HCN1: variants seen among roughly 807,000 people sequenced by gnomAD.
HCN1 encodes the protein potassium/sodium hyperpolarization-activated cyclic nucleotide-gated channel 1.
HCN1 carries 13 observed loss-of-function variants against 78.9 expected under a neutral mutation model. That is an observed-to-expected ratio of 0.16 (90% CI 0.11 to 0.26). HCN1 has a LOEUF of 0.26. HCN1 is among the 10% of genes least tolerant of loss of function. HCN1 has a pLI of 1.00. For missense variants in HCN1, 810 were observed against 1,154.3 expected (o/e 0.70, Z 4.32); for synonymous variants, 552 against 455.5 (o/e 1.21, Z -2.70).
At chr5:45,337,034 C>A (rs1052056826) in intron 5 of HCN1, among the ~76,000 whole-genome samples, 1 of 151,848 alleles carries the variant, frequency 6.6e-6, no homozygotes, top group Non-Finnish European at 1.5e-5. Flanking sequence ...AAAAGAAAAA[C>A]CAACATATTT....
intron 3 of HCN1, among the ~76,000 whole-genome samples, chr5:45,437,153 T>G (rs1740573924): frequency 6.6e-6 from 1 of 152,196 alleles, no homozygotes; most frequent in African/African-American, 2.4e-5. Context: ...AGCAAACATA[T>G]GCTTAAATGT....
intron 2 of HCN1, among the ~76,000 whole-genome samples, chr5:45,505,065 A>G (rs1742270486): frequency 6.6e-6 from 1 of 152,058 alleles, no homozygotes; most frequent in African/African-American, 2.4e-5. Context: ...GTTCACTCTG[A>G]TGGTAGTTTC....
chr5:45,266,017 A>C (rs774775879), intron 7 of HCN1, among the ~76,000 whole-genome samples: 12 of 152,050 alleles, frequency 7.9e-5, no homozygotes, highest in Admixed American at 1.3e-4. Flanking sequence ...CGAGCTGACC[A>C]AAAAAAAGTA....
chr5:45,602,887 A>C (rs906070691), intron 2 of HCN1, among the ~76,000 whole-genome samples: 1 of 152,112 alleles, frequency 6.6e-6, no homozygotes, highest in African/African-American at 2.4e-5. Flanking sequence ...ACGTGTGCTT[A>C]AGCTCATTAT....
chr5:45,648,546 C>CA (rs1180077266), intron 1 of HCN1, among the ~76,000 whole-genome samples: 3 of 151,796 alleles, frequency 2.0e-5, no homozygotes, highest in Admixed American at 6.6e-5. Context: ...CCTTAGGTAA[C>CA]AAAAAAATAC....
At chr5:45,371,940 A>G (rs1384121182) in intron 4 of HCN1, among the ~76,000 whole-genome samples, 1 of 101,908 alleles carries the variant, frequency 9.8e-6, no homozygotes, top group Non-Finnish European at 1.8e-5. Flanking sequence ...TATTATATAT[A>G]ATATATAATA....
In HCN1 at chr5:45,351,531, C is replaced by T. The variant is rs1223025681; in HGVS notation, c.1377+1569G>A. On this transcript the variant is annotated intron_variant, in intron 5 of 7. Transcript: ENST00000303230. ...AAAAGACAAAATTGACAAATGGGATCTAATTAAACTAAAGAGCTTCTGCAC... is the reference window on the plus strand; with the variant it reads ...AAAAGACAAAATTGACAAATGGGATTTAATTAAACTAAAGAGCTTCTGCAC... Among the ~76,000 whole-genome samples the T allele has an allele frequency of 2.8e-5, 3 of 106,840 alleles. 1 individual carries two copies. Among genetic ancestry groups the T allele is most frequent in the Non-Finnish European group, 5.1e-5 (3 of 58,722 alleles). 70.1% of individuals were successfully genotyped at this position (106,840 alleles called of 152,430 possible).
chr5:45,629,796 G>T (rs1745237671), intron 2 of HCN1, among the ~76,000 whole-genome samples: 2 of 152,024 alleles, frequency 1.3e-5, no homozygotes, highest in Admixed American at 6.6e-5. Context: ...CTTAAGAATT[G>T]TAATTATCTT....
At chr5:45,389,340 C>A (rs538411406) in intron 4 of HCN1, among the ~76,000 whole-genome samples, 1 of 152,264 alleles carries the variant, frequency 6.6e-6, no homozygotes, top group Admixed American at 6.5e-5. Context: ...CCCCCCATTT[C>A]ACCCTACAGT....
intron 6 of HCN1, among the ~76,000 whole-genome samples, chr5:45,295,826 T>G (rs1031725567): frequency 1.3e-5 from 2 of 152,094 alleles, no homozygotes; most frequent in African/African-American, 4.8e-5. Flanking sequence ...AATACAAAAC[T>G]AGTATAGTAT....
chr5:45,674,970 G>C (rs1746237326), intron 1 of HCN1, among the ~76,000 whole-genome samples: 1 of 151,594 alleles, frequency 6.6e-6, no homozygotes, highest in South Asian at 2.1e-4. Flanking sequence ...GCATATATAA[G>C]TACTTACTAT....
intron 2 of HCN1, among the ~76,000 whole-genome samples, chr5:45,521,161 G>A (rs945953768): frequency 2.6e-5 from 4 of 151,820 alleles, no homozygotes; most frequent in Admixed American, 6.6e-5. Flanking sequence ...TAAATATATA[G>A]AGAGAGCACC....
intron 3 of HCN1, among the ~76,000 whole-genome samples, chr5:45,445,179 C>T (rs1045153977): frequency 7.2e-5 from 11 of 152,192 alleles, no homozygotes; most frequent in Non-Finnish European, 1.2e-4. Context: ...GTCACTCCCA[C>T]CCGAATACTG....
intron 2 of HCN1, among the ~76,000 whole-genome samples, chr5:45,497,914 C>T (rs1399234105): frequency 1.3e-5 from 2 of 152,068 alleles, no homozygotes; most frequent in Non-Finnish European, 2.9e-5. Context: ...AATATTGGCC[C>T]CCACTCTCTT....
intron 4 of HCN1, among the ~76,000 whole-genome samples, chr5:45,376,041 T>C (rs1353253096): frequency 2.6e-5 from 3 of 113,680 alleles, no homozygotes; most frequent in African/African-American, 7.3e-5. Flanking sequence ...TATAATATTT[T>C]ATAATATATA....
intron 2 of HCN1, among the ~76,000 whole-genome samples, chr5:45,610,075 A>G (rs1163053048): frequency 4.6e-5 from 7 of 152,162 alleles, no homozygotes; most frequent in Non-Finnish European, 8.8e-5. Flanking sequence ...TTAAATAAGG[A>G]ACTGAGAGGA....
intron 1 of HCN1, among the ~76,000 whole-genome samples, chr5:45,667,383 A>G (rs1014681369): frequency 4.6e-5 from 7 of 152,018 alleles, no homozygotes; most frequent in African/African-American, 1.7e-4. Context: ...TATACTATTC[A>G]TTCTTTGAGT....
chr5:45,432,904 T>C (rs1279310891), intron 3 of HCN1, among the ~76,000 whole-genome samples: 2 of 152,126 alleles, frequency 1.3e-5, no homozygotes, highest in East Asian at 3.9e-4. Context: ...GTTTGCCTCA[T>C]GGTGGAAGGC....
At chr5:45,536,725 T>C (rs1251346859) in intron 2 of HCN1, among the ~76,000 whole-genome samples, 1 of 152,176 alleles carries the variant, frequency 6.6e-6, no homozygotes, top group Non-Finnish European at 1.5e-5. Flanking sequence ...TTTCTTCATG[T>C]AGCTACTAAT....
Sources: gnomAD v4.1 joint callset for allele counts (sites outside exome capture counted in the v4.1 genomes callset) on GRCh38, gnomAD v4.1.1 for gene constraint, MANE v1.5 for transcripts, NCBI Gene and HGNC (gene_info 2026-07-23, HGNC 2026-07-21) for gene names.